The following ADCY2 variants were observed in gnomAD, a reference collection of about 807,000 sequenced individuals.
ADCY2 encodes adenylate cyclase 2, also known as adenylate cyclase type 2.
ADCY2 carries 31 observed loss-of-function variants against 125.2 expected under a neutral mutation model. That is an observed-to-expected ratio of 0.25 (90% CI 0.19 to 0.33). ADCY2 has a LOEUF of 0.33. ADCY2 is among the 10% of genes least tolerant of loss of function. The pLI, the probability that ADCY2 is intolerant of heterozygous loss-of-function variation, is 1.00. For synonymous variants in ADCY2, 512 were observed against 548.4 expected, an observed-to-expected ratio of 0.93 and a Z score of 0.93; for missense variants, 904 against 1,418.2, an observed-to-expected ratio of 0.64 and a Z score of 5.82.
intron 4 of ADCY2, chr5:7,690,481 T>C: frequency 2.7e-6 from 1 of 375,276 alleles, no homozygotes; most frequent in East Asian, 4.0e-5. Context: ...ACACTTAGAA[T>C]GCAATAAATA....
At chr5:7,797,307 A>T (rs1246316500) in intron 20 of ADCY2, 1 of 152,244 alleles carries the variant, frequency 6.6e-6, no homozygotes, top group Non-Finnish European at 1.5e-5. Context: ...ATGCAGCCCA[A>T]GTCAGTGAGA....
intron 1 of ADCY2, among the ~76,000 whole-genome samples, chr5:7,397,445 GT>G (rs767411861): frequency 0.097 from 6,840 of 70,200 alleles, 299 homozygotes; most frequent in African/African-American, 0.18. Flanking sequence ...CCACCAGTGA[GT>G]TTTTTTTTTT....
At chr5:7,441,715 C>G (rs766266712) in intron 2 of ADCY2, among the ~76,000 whole-genome samples, 10 of 152,126 alleles carry the variant, frequency 6.6e-5, no homozygotes, top group Non-Finnish European at 1.5e-4. Flanking sequence ...ATTAAACACA[C>G]GTCTAGGTGT....
At chr5:7,623,227 C>T (rs777192599) in intron 3 of ADCY2, among the ~76,000 whole-genome samples, 1 of 152,142 alleles carries the variant, frequency 6.6e-6, no homozygotes, top group Admixed American at 6.5e-5. Flanking sequence ...GGGTTTGCTT[C>T]GAAGGCATTT....
chr5:7,502,998 T>A (rs149668740), intron 2 of ADCY2, among the ~76,000 whole-genome samples: 1 of 152,230 alleles, frequency 6.6e-6, no homozygotes. Flanking sequence ...CTGCAACTCC[T>A]GTGCCTTTGT....
intron 2 of ADCY2, among the ~76,000 whole-genome samples, chr5:7,453,522 T>C (rs976947519): frequency 2.0e-5 from 3 of 152,054 alleles, no homozygotes; most frequent in African/African-American, 7.3e-5. Flanking sequence ...AAGAAAGAAT[T>C]CGACTTAGGA....
chr5:7,444,380 G>T (rs1741149842), intron 2 of ADCY2, among the ~76,000 whole-genome samples: 1 of 151,978 alleles, frequency 6.6e-6, no homozygotes, highest in Non-Finnish European at 1.5e-5. Context: ...CTCCCAAAGT[G>T]CTGTGATTAC....
At chr5:7,545,213 A>G (rs1735111109) in intron 3 of ADCY2, among the ~76,000 whole-genome samples, 1 of 152,196 alleles carries the variant, frequency 6.6e-6, no homozygotes, top group Admixed American at 6.5e-5. Flanking sequence ...CTTGGGCACC[A>G]TCCAGGAAAC....
intron 2 of ADCY2, among the ~76,000 whole-genome samples, chr5:7,435,180 G>A (rs981526945): frequency 3.3e-5 from 5 of 152,160 alleles, no homozygotes; most frequent in Admixed American, 6.5e-5. Context: ...GCTATGTTAC[G>A]TGAAGATTCT....
intron 3 of ADCY2, among the ~76,000 whole-genome samples, chr5:7,524,914 A>G (rs776283274): frequency 6.6e-5 from 10 of 152,184 alleles, no homozygotes; most frequent in Non-Finnish European, 1.0e-4. Flanking sequence ...ACTTGTTTCA[A>G]TTTATTTATT....
At chr5:7,778,870 G>A (rs1157491931) in intron 18 of ADCY2, among the ~76,000 whole-genome samples, 2 of 152,168 alleles carry the variant, frequency 1.3e-5, no homozygotes, top group African/African-American at 2.4e-5. Flanking sequence ...CTTACCCTGG[G>A]GCAGATGGTC....
chr5:7,593,694 G>GC (rs1271302028), intron 3 of ADCY2, among the ~76,000 whole-genome samples: 2 of 152,068 alleles, frequency 1.3e-5, no homozygotes, highest in Non-Finnish European at 2.9e-5. Context: ...TTAGCTAAAT[G>GC]CCCCCAGGTC....
In ADCY2 at chr5:7,775,762, T is replaced by C. The variant is rs145886072; in HGVS notation, c.2384+2661T>C. Among the ~76,000 whole-genome samples, 214 of 152,368 alleles carry C rather than the reference T, an allele frequency of 1.4e-3. 1 individual carries two copies. Among genetic ancestry groups the C allele is most frequent in the African/African-American group, 4.5e-3 (189 of 41,592 alleles). ...CCTTGTGCTATGAAATAGTAGGTCT[T>C]ACTCATTATTTTTTCCTACTTCCTA... is the stretch of plus-strand genomic sequence containing the variant. On this transcript the variant is annotated intron_variant, in intron 18 of 24. Transcript: ENST00000338316.
At chr5:7,466,195 A>G (rs1193516589) in intron 2 of ADCY2, among the ~76,000 whole-genome samples, 1 of 152,212 alleles carries the variant, frequency 6.6e-6, no homozygotes, top group African/African-American at 2.4e-5. Flanking sequence ...AACTTCAGCC[A>G]TATCTTATAT....
intron 15 of ADCY2, among the ~76,000 whole-genome samples, chr5:7,755,293 A>G (rs572312131): frequency 2.0e-4 from 31 of 152,292 alleles, no homozygotes; most frequent in Non-Finnish European, 3.8e-4. Context: ...ACGAGGGCGC[A>G]GGAAAATCAG....
intron 2 of ADCY2, among the ~76,000 whole-genome samples, chr5:7,429,574 T>A (rs1432483323): frequency 2.0e-5 from 3 of 152,218 alleles, no homozygotes; most frequent in Non-Finnish European, 4.4e-5. Flanking sequence ...GCTTTGGGCA[T>A]AATGGACTTA....
At chr5:7,699,124 G>A (rs1740995634) in intron 7 of ADCY2, among the ~76,000 whole-genome samples, 1 of 84,764 alleles carries the variant, frequency 1.2e-5, no homozygotes, top group Non-Finnish European at 2.2e-5. Flanking sequence ...TTGAGACGGA[G>A]TCTCGCTCTG....
chr5:7,470,494 G>C (rs1026887975), intron 2 of ADCY2, among the ~76,000 whole-genome samples: 11 of 148,504 alleles, frequency 7.4e-5, no homozygotes, highest in African/African-American at 2.5e-4. Context: ...TATAATATTA[G>C]ACTATAGTTT....
intron 2 of ADCY2, among the ~76,000 whole-genome samples, chr5:7,465,547 G>A (rs964369333): frequency 3.3e-5 from 5 of 152,182 alleles, no homozygotes; most frequent in Non-Finnish European, 7.3e-5. Context: ...GCTCTGCAGA[G>A]CAGGTACAAG....
Sources: allele counts gnomAD v4.1 joint callset (sites outside exome capture counted in the v4.1 genomes callset), GRCh38; gene constraint gnomAD v4.1.1; transcripts MANE v1.5; gene names NCBI Gene and HGNC (gene_info 2026-07-23, HGNC 2026-07-21).